SVIL: variants seen among roughly 807,000 people sequenced by gnomAD.
The protein encoded by SVIL is supervillin.
SVIL carries 101 observed loss-of-function variants against 240.4 expected under a neutral mutation model. The ratio of observed to expected loss-of-function variants is 0.42; its 90% CI spans 0.36 to 0.50. The LOEUF (loss-of-function observed/expected upper bound fraction) is 0.50, where lower values mean the gene tolerates loss of function less well. SVIL is among the 20% of genes least tolerant of loss of function. The pLI, the probability that SVIL is intolerant of heterozygous loss-of-function variation, is 0.01. For missense variants in SVIL, 2,512 were observed against 2,818.7 expected, an observed-to-expected ratio of 0.89 and a Z score of 2.46; for synonymous variants, 999 against 1,100.0, an observed-to-expected ratio of 0.91 and a Z score of 1.82.
At chr10:29,592,277 G>T (rs1956420934) in intron 1 of SVIL, among the ~76,000 whole-genome samples, 1 of 152,134 alleles carries the variant, frequency 6.6e-6, no homozygotes, top group South Asian at 2.1e-4. Flanking sequence ...GAAAAAAGGG[G>T]ATTTCTCTGA....
chr10:29,649,076 T>C (rs1247449), intron 3 of SVIL, among the ~76,000 whole-genome samples: 5,877 of 152,218 alleles, frequency 0.039, 178 homozygotes, highest in Non-Finnish European at 0.055. Flanking sequence ...AGGAGGATCC[T>C]TTAAGCCCAA....
Position 29,562,780 on chromosome 10 carries a change from A to G in SVIL, c.-51+421T>C, listed in dbSNP as rs80222678. Among the ~76,000 whole-genome samples, 252 of 149,500 alleles carry G rather than the reference A, an allele frequency of 1.7e-3. 13 individuals carry two copies. The South Asian group carries it at 0.053, about 32-fold the overall frequency. On this transcript the variant is annotated intron_variant, in intron 3 of 37. Transcript: ENST00000355867. ...CGTCTCAAAAAAAAGAAAAAAAAAA[A>G]AAAAAAAAAAAAAAAAGAGCCGTAA...
At position 29,523,959 on chromosome 10, in the gene SVIL, C is replaced by T. The variant is rs779906262; in HGVS notation, c.2655G>A (p.Thr885=). 15 of 1,614,102 alleles carry T rather than the reference C, an allele frequency of 9.3e-6. No individual in the cohort carries two copies. Among genetic ancestry groups the T allele is most frequent in the South Asian group, 3.3e-5 (3 of 91,074 alleles). ...VNTSVSTVAS[T]VAPMYAGDLR... The stretch of plus-strand genomic sequence containing the variant: ...GATCTCCGGCATACATTGGAGCAAC[C>T]GTGGATGCTACGGTAGACACTGATG... The change falls in exon 15 of 38, where the codon ACG becomes ACA. Residue 885 remains threonine (T), a synonymous_variant. Transcript: ENST00000355867.
intron 1 of SVIL, among the ~76,000 whole-genome samples, chr10:29,706,033 T>C (rs943990883): frequency 1.3e-5 from 2 of 152,196 alleles, no homozygotes; most frequent in Non-Finnish European, 2.9e-5. Context: ...TCGACTTGGC[T>C]GGGCATAGCA....
At chr10:29,639,994 T>C (rs1958433012) in intron 3 of SVIL, among the ~76,000 whole-genome samples, 2 of 152,176 alleles carry the variant, frequency 1.3e-5, no homozygotes, top group South Asian at 4.1e-4. Flanking sequence ...AGGCTTCTTT[T>C]CAGTTCGTTG....
intron 20 of SVIL, among the ~76,000 whole-genome samples, chr10:29,493,890 C>T (rs1294734386): frequency 6.6e-6 from 1 of 152,146 alleles, no homozygotes; most frequent in Non-Finnish European, 1.5e-5. Flanking sequence ...TTTACAAAAA[C>T]AGGGCTGGGC....
chr10:29,466,726 A>T (rs1239346783), intron 33 of SVIL, among the ~76,000 whole-genome samples: 1 of 152,212 alleles, frequency 6.6e-6, no homozygotes, highest in East Asian at 1.9e-4. Flanking sequence ...TTCATTATAA[A>T]GGAAAAAAGG....
intron 1 of SVIL, among the ~76,000 whole-genome samples, chr10:29,569,800 A>C (rs1955293987): frequency 6.6e-6 from 1 of 151,954 alleles, no homozygotes; most frequent in African/African-American, 2.4e-5. Context: ...TGCTCTCATT[A>C]AAATCTACAC....
intron 2 of SVIL, among the ~76,000 whole-genome samples, chr10:29,679,662 T>A (rs1960477907): frequency 6.6e-6 from 1 of 150,398 alleles, no homozygotes; most frequent in Non-Finnish European, 1.5e-5. Context: ...CTCTAGAGAT[T>A]CTCCTACCTC....
chr10:29,506,412 A>G lies in SVIL; in HGVS notation c.3516+6323T>C, dbSNP rs568300702. On this transcript the variant is annotated intron_variant, in intron 17 of 37. Coordinates refer to ENST00000355867, the MANE Select transcript of SVIL (RefSeq NM_021738.3). ...GTGAGGGAAAGGCCGCCCCAGGGAG[A>G]AGAAGTGGGGAGTTTCCATCTGTGA... is the stretch of plus-strand genomic sequence containing the variant. Among the ~76,000 whole-genome samples the G allele has an allele frequency of 2.7e-3, 409 of 152,080 alleles. 3 individuals carry two copies. Among genetic ancestry groups the G allele is most frequent in the Middle Eastern group, 0.01 (3 of 294 alleles).
intron 14 of SVIL, 97 bp from the exon 15 acceptor site, chr10:29,524,124 G>T: frequency 8.1e-7 from 1 of 1,242,068 alleles, no homozygotes; most frequent in Non-Finnish European, 1.1e-6. Context: ...TACTCGATTT[G>T]ATGCAGTTTC....
intron 3 of SVIL, among the ~76,000 whole-genome samples, chr10:29,656,379 C>G (rs1959006070): frequency 1.3e-5 from 2 of 151,974 alleles, no homozygotes; most frequent in South Asian, 4.2e-4. Flanking sequence ...ACCCATCACT[C>G]TATCTTCTCC....
chr10:29,690,285 T>C lies in SVIL; in HGVS notation c.-399-3634A>G, dbSNP rs560955176. On this transcript the variant is annotated intron_variant, in intron 1 of 35. Transcript: ENST00000375400. ...AAATTTTGATAAATGTATGCTAAAATAACTTATTTTCATAGTTTTCAGTTA... is the reference window on the plus strand; with the variant it reads ...AAATTTTGATAAATGTATGCTAAAACAACTTATTTTCATAGTTTTCAGTTA... Among the ~76,000 whole-genome samples the C allele has an allele frequency of 1.5e-3, 233 of 152,340 alleles. 2 individuals are homozygous for C. Among genetic ancestry groups the C allele is most frequent in the South Asian group, 0.01 (49 of 4,830 alleles).
chr10:29,508,250 T>C lies in SVIL; in HGVS notation c.3516+4485A>G, dbSNP rs1949524185. 5.4e-6 allele frequency: 4 copies of C among 734,236 alleles called. No homozygotes were observed. In the Admixed American group the frequency reaches 9.7e-5, roughly 18 times the overall value. The allele number at this position is 734,236 out of a possible 1,614,324, so 45.5% of individuals were successfully genotyped here. On this transcript the variant is annotated intron_variant, in intron 17 of 37. Coordinates refer to ENST00000355867, the MANE Select transcript of SVIL (RefSeq NM_021738.3). ...GAGATAAGAAAAGCACCAGGGAGGG[T>C]GCACGAAGGAACCACCCAGGATCAG...
chr10:29,503,113 G>T (rs1949027522), intron 17 of SVIL, among the ~76,000 whole-genome samples: 1 of 152,200 alleles, frequency 6.6e-6, no homozygotes, highest in South Asian at 2.1e-4. Flanking sequence ...GAAATAAGGT[G>T]AAAGGAACAA....
At chr10:29,656,829 C>T (rs1410592954) in intron 3 of SVIL, among the ~76,000 whole-genome samples, 1 of 152,182 alleles carries the variant, frequency 6.6e-6, no homozygotes, top group East Asian at 1.9e-4. Context: ...CAGGCATTGG[C>T]TTTCTGTGCA....
intron 21 of SVIL, among the ~76,000 whole-genome samples, chr10:29,492,045 G>C (rs1037713551): frequency 3.3e-5 from 5 of 152,200 alleles, no homozygotes; most frequent in African/African-American, 1.2e-4. Flanking sequence ...GTTAAGAGCA[G>C]ATGGATGTGG....
intron 1 of SVIL, among the ~76,000 whole-genome samples, chr10:29,585,500 T>G (rs1205268126): frequency 6.6e-6 from 1 of 152,136 alleles, no homozygotes; most frequent in East Asian, 1.9e-4. Flanking sequence ...ACTATTTTTT[T>G]AACAAGAGGA....
At chr10:29,658,191 C>T (rs1221964518) in intron 2 of SVIL, 1 of 152,220 alleles carries the variant, frequency 6.6e-6, no homozygotes, top group Non-Finnish European at 1.5e-5. Context: ...CTCCAAAGAG[C>T]TTTTTCCCTT....
Sources: gnomAD v4.1 joint callset for allele counts (sites outside exome capture counted in the v4.1 genomes callset) on GRCh38, gnomAD v4.1.1 for gene constraint, MANE v1.5 for transcripts, NCBI Gene and HGNC (gene_info 2026-07-23, HGNC 2026-07-21) for gene names.